Variants in WDR25 observed in about 807,000 individuals in gnomAD.
WDR25 encodes WD repeat-containing protein 25.
WDR25 carries 35 observed loss-of-function variants against 47.7 expected under a neutral mutation model. The ratio of observed to expected loss-of-function variants is 0.73; its 90% CI spans 0.56 to 0.97. The LOEUF is 0.97. Among genes scored for constraint, WDR25 ranks in the 50% least tolerant of loss-of-function variants. The pLI is 0.00. For synonymous variants in WDR25, 248 were observed against 278.9 expected, an observed-to-expected ratio of 0.89 and a Z score of 1.10; for missense variants, 634 against 704.7, an observed-to-expected ratio of 0.90 and a Z score of 1.14.
At position 100,498,900 on chromosome 14, in the gene WDR25, G is replaced by A. The variant is rs1900823193; in HGVS notation, c.1101+14776G>A. 6.6e-6 allele frequency among the ~76,000 whole-genome samples: 1 copy of A among 152,202 alleles called. No individual in the cohort carries two copies. Among genetic ancestry groups the A allele is most frequent in the South Asian group, 2.1e-4 (1 of 4,830 alleles). On this transcript the variant is annotated intron_variant, in intron 4 of 6. Coordinates refer to ENST00000402312, the MANE Select transcript of WDR25 (RefSeq NM_001161476.3). This position sits in a 1 kb window ranked among gnomAD's most constrained non-coding sequence, Gnocchi z 4.2. ...GTCCCTCCCCTTCTGTCTCTTACTT[G>A]GCCTGAGTGGGGCTGTGAGCCGATG...
At chr14:100,385,063 C>G (rs1896988923) in intron 2 of WDR25, among the ~76,000 whole-genome samples, 1 of 152,188 alleles carries the variant, frequency 6.6e-6, no homozygotes, top group African/African-American at 2.4e-5. Flanking sequence ...TGCTCGAGTT[C>G]CTGCTTTTCC....
chr14:100,438,514 G>A lies in WDR25; in HGVS notation c.823-29507G>A, dbSNP rs371770347. ...AATTAAGTCAAATTGAATTGAATGA[G>A]CTTTTATTGAACGCCCACTCTGTGC... is the stretch of plus-strand genomic sequence containing the variant. On this transcript the variant is annotated intron_variant, in intron 2 of 6. Transcript: ENST00000402312. Among the ~76,000 whole-genome samples, 4 of 152,236 alleles carry A rather than the reference G, an allele frequency of 2.6e-5. No homozygotes were observed. The East Asian group carries it at 5.8e-4, about 22-fold the overall frequency.
intron 2 of WDR25, among the ~76,000 whole-genome samples, chr14:100,461,741 G>A (rs1305008265): frequency 6.6e-6 from 1 of 152,178 alleles, no homozygotes; most frequent in Non-Finnish European, 1.5e-5. Context: ...GGGCAACAGG[G>A]ACTGTCAAGA....
chr14:100,485,595 T>C (rs1253343980), intron 4 of WDR25, among the ~76,000 whole-genome samples: 2 of 152,226 alleles, frequency 1.3e-5, no homozygotes, highest in Non-Finnish European at 2.9e-5. Flanking sequence ...CTTTCAACGC[T>C]GTGTGTCTTG....
intron 2 of WDR25, among the ~76,000 whole-genome samples, chr14:100,421,356 C>T (rs78219117): frequency 0.039 from 5,887 of 152,228 alleles, 172 homozygotes; most frequent in African/African-American, 0.077. Flanking sequence ...TTATTGAGCA[C>T]TTACCATATG....
chr14:100,398,082 C>A (rs1897298721), intron 2 of WDR25, among the ~76,000 whole-genome samples: 1 of 152,230 alleles, frequency 6.6e-6, no homozygotes. Context: ...AAGTGATCCA[C>A]CCGCCTTGGC....
chr14:100,410,282 G>A (rs1395855242), intron 2 of WDR25, among the ~76,000 whole-genome samples: 2 of 152,170 alleles, frequency 1.3e-5, no homozygotes, highest in East Asian at 1.9e-4. Flanking sequence ...AATCTGGAGT[G>A]AGGGTGTATG....
At chr14:100,441,978 G>C (rs933616275) in intron 2 of WDR25, among the ~76,000 whole-genome samples, 2 of 152,222 alleles carry the variant, frequency 1.3e-5, no homozygotes, top group Non-Finnish European at 2.9e-5. Context: ...CACACATAGA[G>C]AGAGGCAGAG....
At chr14:100,495,861 C>G (rs994748094) in intron 4 of WDR25, among the ~76,000 whole-genome samples, 1 of 152,178 alleles carries the variant, frequency 6.6e-6, no homozygotes, top group Admixed American at 6.5e-5. Context: ...TTTTGTTTCT[C>G]CATTCTCTAG....
chr14:100,406,641 C>T (rs1897546375), intron 2 of WDR25: 1 of 152,286 alleles, frequency 6.6e-6, no homozygotes, highest in Admixed American at 6.5e-5. Context: ...TACTCAGCCT[C>T]ACACATTTTG....
chr14:100,492,478 C>T (rs1163335549), intron 4 of WDR25, among the ~76,000 whole-genome samples: 2 of 152,194 alleles, frequency 1.3e-5, no homozygotes, highest in East Asian at 3.9e-4. Context: ...TTCATTAACA[C>T]CCACCCCACT....
chr14:100,478,429 T>C (rs372164384), intron 3 of WDR25, among the ~76,000 whole-genome samples: 1 of 152,330 alleles, frequency 6.6e-6, no homozygotes, highest in African/African-American at 2.4e-5. Context: ...CTTCCAACAT[T>C]GTGCCAGATA....
chr14:100,517,103 TC>T, intron 4 of WDR25, among the ~76,000 whole-genome samples: 1 of 141,778 alleles, frequency 7.1e-6, no homozygotes. Context: ...ACATATCTCC[TC>T]TGTTTTTTTT....
intron 2 of WDR25, among the ~76,000 whole-genome samples, chr14:100,418,606 T>A (rs867291529): frequency 2.1e-4 from 31 of 148,666 alleles, no homozygotes; most frequent in Middle Eastern, 3.7e-3. Context: ...CACTGCACTC[T>A]AGCCTGGCGA....
chr14:100,506,504 G>A lies in WDR25; in HGVS notation c.1102-19366G>A, dbSNP rs1331494893. ...AAACCTCCAAACTGCTTTCCACAAT[G>A]GCTGAAATAACTTACATTCCCACCA... is the stretch of plus-strand genomic sequence containing the variant. On this transcript the variant is annotated intron_variant, in intron 4 of 6. Transcript: ENST00000402312. The surrounding 1 kb of genome is among the most constrained non-coding windows in gnomAD (Gnocchi z 4.8). 6.6e-6 allele frequency among the ~76,000 whole-genome samples: 1 copy of A among 152,174 alleles called. No individual in the cohort carries two copies. The highest frequency in any genetic ancestry group is 6.5e-5 in the Admixed American group (1 of 15,276).
At position 100,381,261 on chromosome 14, in the gene WDR25, T is replaced by C; in HGVS notation, c.337T>C (p.Ser113Pro). Residue 113 changes from serine (S) to proline (P), a missense_variant, in exon 2 of 7, where the codon TCT becomes CCT. Coordinates refer to ENST00000402312, the MANE Select transcript of WDR25 (RefSeq NM_001161476.3). ...AGTCACCTTCCCCATCAAAGAGCCT[T>C]CTTGTTCTTCTCTGTGGACGAGCCA... Reference protein sequence around the residue: ...PQVTFPIKEPSCSSLWTSHVP... With the variant: ...PQVTFPIKEPPCSSLWTSHVP... 6.2e-7 allele frequency: 1 copy of C among 1,614,050 alleles called. No individual in the cohort carries two copies. Among genetic ancestry groups the C allele is most frequent in the Non-Finnish European group, 8.5e-7 (1 of 1,179,994 alleles).
intron 4 of WDR25, among the ~76,000 whole-genome samples, chr14:100,487,374 G>C (rs1595138936): frequency 6.6e-6 from 1 of 152,348 alleles, no homozygotes; most frequent in East Asian, 1.9e-4. Flanking sequence ...GGCTAGTCCA[G>C]CTTGCTGCCA....
intron 2 of WDR25, among the ~76,000 whole-genome samples, chr14:100,427,980 G>A (rs140814713): frequency 8.7e-4 from 132 of 152,320 alleles, no homozygotes; most frequent in African/African-American, 3.0e-3. Flanking sequence ...AGCGACTGCC[G>A]TGCCCTCAGG....
chr14:100,494,745 C>T (rs1282780100), intron 4 of WDR25, among the ~76,000 whole-genome samples: 1 of 152,182 alleles, frequency 6.6e-6, no homozygotes, highest in Non-Finnish European at 1.5e-5. Flanking sequence ...AGGAATTGGG[C>T]GTTTCCCTTC....
Sources: allele counts gnomAD v4.1 joint callset (sites outside exome capture counted in the v4.1 genomes callset), GRCh38; gene constraint gnomAD v4.1.1; non-coding constraint Gnocchi (gnomAD v3.1); transcripts MANE v1.5; gene names NCBI Gene and HGNC (gene_info 2026-07-23, HGNC 2026-07-21).